Variants in WDR33 observed in about 807,000 individuals in gnomAD.
WDR33 encodes pre-mRNA 3' end processing protein WDR33.
In WDR33, 47 loss-of-function variants were observed where a neutral mutation model predicts 164.9. The observed-to-expected ratio is 0.29, with a 90% CI of 0.23 to 0.36. The LOEUF is 0.36. Among genes scored for constraint, WDR33 ranks in the 10% least tolerant of loss-of-function variants. The pLI, the probability that WDR33 is intolerant of heterozygous loss-of-function variation, is 1.00. For synonymous variants in WDR33, 505 were observed against 589.0 expected (o/e 0.86, Z 2.06); for missense variants, 1,137 against 1,754.1 (o/e 0.65, Z 6.28).
chr2:127,762,972 G>A (rs995327828), intron 7 of WDR33, 90 bp downstream of exon 7: 4 of 1,586,478 alleles, frequency 2.5e-6, no homozygotes, highest in Admixed American at 1.7e-5. Context: ...ATTGAATGGA[G>A]GTGTAAGCCA....
rs182640666 is a variant in WDR33, at chr2:127,722,571, G to A, written c.1518+20C>T. On this transcript the variant is annotated intron_variant, in intron 14 of 21. Coordinates refer to ENST00000322313, the MANE Select transcript of WDR33 (RefSeq NM_018383.5). The surrounding 1 kb of genome is among the most constrained non-coding windows in gnomAD (Gnocchi z 5.1). ...ACCAAAACCTCTCTGCGTGGATGAG[G>A]TGGAGTCACTTTTACTTACCTGCTG... 5.0e-4 allele frequency: 807 copies of A among 1,610,328 alleles called. 1 individual carries two copies. Among genetic ancestry groups the A allele is most frequent in the Non-Finnish European group, 5.9e-4 (695 of 1,178,706 alleles).
chr2:127,704,215 T>A lies in WDR33; in HGVS notation c.*2108A>T, dbSNP rs1304986811. On this transcript the variant is annotated 3_prime_UTR_variant, in exon 22 of 22. Coordinates refer to ENST00000322313, the MANE Select transcript of WDR33 (RefSeq NM_018383.5). ...GTATGTATGCTGACAGTGATGTTTT[T>A]AAATGCCATATATATTTAATAAGTA... is the stretch of plus-strand genomic sequence containing the variant. The A allele has an allele frequency of 1.8e-5, 3 of 166,614 alleles. No homozygotes were observed. Among genetic ancestry groups the A allele is most frequent in the Non-Finnish European group, 4.4e-5 (3 of 68,088 alleles). 10.3% of individuals were successfully genotyped at this position (166,614 alleles called of 1,614,324 possible).
At chr2:127,753,111 G>A (rs984266613) in intron 7 of WDR33, among the ~76,000 whole-genome samples, 4 of 151,772 alleles carry the variant, frequency 2.6e-5, no homozygotes, top group African/African-American at 9.7e-5. Context: ...ATTTTTAGTA[G>A]AGACGGGGTT....
chr2:127,741,064 G>C lies in WDR33; in HGVS notation c.725-14287C>G, dbSNP rs1396802317. Among the ~76,000 whole-genome samples the C allele has an allele frequency of 1.3e-5, 2 of 152,220 alleles. No individual in the cohort carries two copies. Among genetic ancestry groups the C allele is most frequent in the Non-Finnish European group, 2.9e-5 (2 of 68,030 alleles). ...GCTCAGTGACAAAGGCTGTGATGAAGTAATGAGGGTAATTATAGGGAGACT... is the reference window on the plus strand; with the variant it reads ...GCTCAGTGACAAAGGCTGTGATGAACTAATGAGGGTAATTATAGGGAGACT... On this transcript the variant is annotated intron_variant, in intron 7 of 21. Coordinates refer to ENST00000322313, the MANE Select transcript of WDR33 (RefSeq NM_018383.5). This position sits in a 1 kb window ranked among gnomAD's most constrained non-coding sequence, Gnocchi z 4.1.
At chr2:127,778,894 T>TC (rs1688281217) in intron 1 of WDR33, among the ~76,000 whole-genome samples, 2 of 152,240 alleles carry the variant, frequency 1.3e-5, no homozygotes, top group South Asian at 4.1e-4. Context: ...ATAATAGATC[T>TC]CCAACTAAAA....
intron 7 of WDR33, among the ~76,000 whole-genome samples, chr2:127,731,309 A>C (rs1015754763): frequency 6.6e-6 from 1 of 151,462 alleles, no homozygotes; most frequent in Non-Finnish European, 1.5e-5. Context: ...AAAAAAAAAA[A>C]AAAAAAAAAC....
chr2:127,735,995 T>G lies in WDR33; in HGVS notation c.725-9218A>C, dbSNP rs1054046029. The G allele has an allele frequency of 1.4e-5, 14 of 985,322 alleles. No individual in the cohort carries two copies. The highest frequency in any genetic ancestry group is 1.6e-5 in the Non-Finnish European group (13 of 829,938). The allele number at this position is 985,322 out of a possible 1,614,324, so 61.0% of individuals were successfully genotyped here. On this transcript the variant is annotated intron_variant, in intron 7 of 21. Transcript: ENST00000322313. This position sits in a 1 kb window ranked among gnomAD's most constrained non-coding sequence, Gnocchi z 4.3. ...CAGGGCAGTGTTTTCACAATGTATGTTCCAACAATACAGTGCATAGAATCA... is the reference window on the plus strand; with the variant it reads ...CAGGGCAGTGTTTTCACAATGTATGGTCCAACAATACAGTGCATAGAATCA...
rs1573874539 is a variant in WDR33, at chr2:127,708,914, C to T, written c.3566-22G>A. 1 of 1,535,086 alleles carries T rather than the reference C, an allele frequency of 6.5e-7. No homozygotes were observed. Among genetic ancestry groups the T allele is most frequent in the African/African-American group, 1.4e-5 (1 of 72,942 alleles). The stretch of plus-strand genomic sequence containing the variant: ...GGCCCTGAAACAAGAAACAAATCTC[C>T]TTACAGGAAAGCACAGTGTGACCAG... On this transcript the variant is annotated intron_variant, in intron 20 of 21. Transcript: ENST00000322313. The surrounding 1 kb of genome is among the most constrained non-coding windows in gnomAD (Gnocchi z 6.7).
chr2:127,752,451 G>A (rs1440068163), intron 7 of WDR33, among the ~76,000 whole-genome samples: 1 of 151,654 alleles, frequency 6.6e-6, no homozygotes, highest in Admixed American at 6.6e-5. Context: ...TTAGCCGGGC[G>A]CGGTGGCGGG....
At chr2:127,782,689 G>A (rs1282194981) in intron 1 of WDR33, among the ~76,000 whole-genome samples, 1 of 152,100 alleles carries the variant, frequency 6.6e-6, no homozygotes, top group Non-Finnish European at 1.5e-5. Context: ...ATAGTATTAG[G>A]TATAAGCAAT....
chr2:127,712,284 T>C lies in WDR33; in HGVS notation c.3308+1299A>G, dbSNP rs1488408461. Among the ~76,000 whole-genome samples, 2 of 151,392 alleles carry C rather than the reference T, an allele frequency of 1.3e-5. No individual in the cohort carries two copies. The highest frequency in any genetic ancestry group is 2.9e-5 in the Non-Finnish European group (2 of 67,930). ...AGGTGGTGTGAGCCTGTATCCCAGC[T>C]CCTCAAGAGGCTGAGACAGGAGAAT... On this transcript the variant is annotated intron_variant, in intron 18 of 21. Transcript: ENST00000322313. This position sits in a 1 kb window ranked among gnomAD's most constrained non-coding sequence, Gnocchi z 4.0.
chr2:127,725,228 T>C lies in WDR33; in HGVS notation c.852-13A>G, dbSNP rs760852877. 1 of 1,574,700 alleles carries C rather than the reference T, an allele frequency of 6.4e-7. No homozygotes were observed. Among genetic ancestry groups the C allele is most frequent in the Non-Finnish European group, 8.6e-7 (1 of 1,167,922 alleles). On this transcript the variant is annotated splice_polypyrimidine_tract_variant and intron_variant, in intron 8 of 21. Transcript: ENST00000322313. Reference sequence around the variant, plus strand: ...TTTATGGGCATGACTAGAAACAAAGTATCAAAAAAAAATGTCAGAATTCAA... The same window carrying C: ...TTTATGGGCATGACTAGAAACAAAGCATCAAAAAAAAATGTCAGAATTCAA...
Position 127,771,005 on chromosome 2 carries a change from C to T in WDR33, c.-23-1G>A. The T allele has an allele frequency of 6.2e-7, 1 of 1,609,502 alleles. No homozygotes were observed. Among genetic ancestry groups the T allele is most frequent in the Non-Finnish European group, 8.5e-7 (1 of 1,177,134 alleles). ...ATGGTGATGTTTTCCTTCTAGGATA[C>T]TAGGATAAGGAAAAAGTACTTTCAC... On this transcript the variant is annotated splice_acceptor_variant, in intron 1 of 21. Transcript: ENST00000322313. LOFTEE classifies it low-confidence loss of function (5UTR_SPLICE).
In WDR33 at chr2:127,738,874, G is replaced by A. The variant is rs1319873063; in HGVS notation, c.725-12097C>T. 6.6e-6 allele frequency among the ~76,000 whole-genome samples: 1 copy of A among 152,164 alleles called. No homozygotes were observed. Among genetic ancestry groups the A allele is most frequent in the African/African-American group, 2.4e-5 (1 of 41,430 alleles). ...TTGATTAAAATGAAGAGGAGGAGGA[G>A]AATGGAACAAAATCTTGAAAGTGCT... On this transcript the variant is annotated intron_variant, in intron 7 of 21. Coordinates refer to ENST00000322313, the MANE Select transcript of WDR33 (RefSeq NM_018383.5). The surrounding 1 kb of genome is among the most constrained non-coding windows in gnomAD (Gnocchi z 4.4).
chr2:127,769,033 A>ATAAATAAG (rs1687910710), intron 2 of WDR33, 32 bp from the exon 3 acceptor site: 1 of 1,263,970 alleles, frequency 7.9e-7, no homozygotes, highest in African/African-American at 1.5e-5. Flanking sequence ...AAATAAATAA[A>ATAAATAAG]TAAATAGATC....
chr2:127,757,151 A>G (rs1329437611), intron 7 of WDR33, among the ~76,000 whole-genome samples: 3 of 152,050 alleles, frequency 2.0e-5, no homozygotes, highest in Non-Finnish European at 4.4e-5. Context: ...CTTAATTAAG[A>G]CACTAAATAT....
intron 1 of WDR33, among the ~76,000 whole-genome samples, chr2:127,791,164 AC>A (rs59673415): frequency 0.26 from 14,266 of 55,436 alleles, 911 homozygotes; most frequent in South Asian, 0.36. Context: ...TCCCCACCCC[AC>A]CCCCCCCCCC....
At chr2:127,736,351 T>A (rs1459983571) in intron 7 of WDR33, 1 of 985,324 alleles carries the variant, frequency 1.0e-6, no homozygotes, top group Non-Finnish European at 1.2e-6. Context: ...GTGTATTTCT[T>A]TACTGAAAAT....
chr2:127,772,353 C>T (rs1292327729), intron 1 of WDR33, among the ~76,000 whole-genome samples: 1 of 151,872 alleles, frequency 6.6e-6, no homozygotes, highest in South Asian at 2.1e-4. Flanking sequence ...GCAGGAGAAT[C>T]GTTTGAACCC....
Sources: gnomAD v4.1 joint callset for allele counts (sites outside exome capture counted in the v4.1 genomes callset) on GRCh38, gnomAD v4.1.1 for gene constraint, Gnocchi (gnomAD v3.1) non-coding constraint, MANE v1.5 for transcripts, NCBI Gene and HGNC (gene_info 2026-07-23, HGNC 2026-07-21) for gene names.